Variants in SHISA9 observed in about 807,000 individuals in gnomAD.
SHISA9 encodes the protein protein shisa-9.
SHISA9 carries 13 observed loss-of-function variants against 38.0 expected under a neutral mutation model. The observed-to-expected ratio is 0.34, with a 90% confidence interval of 0.22 to 0.54. The LOEUF is 0.54. SHISA9 is among the 20% of genes least tolerant of loss of function. The pLI is 0.91. For missense variants in SHISA9, 538 were observed against 575.8 expected (o/e 0.93, Z 0.67); for synonymous variants, 275 against 242.0 (o/e 1.14, Z -1.27).
At chr16:12,910,311 A>T in intron 1 of SHISA9, 7 of 207,246 alleles carry the variant, frequency 3.4e-5, no homozygotes, top group Non-Finnish European at 5.9e-5. Context: ...AAATTCATTC[A>T]TTCATTCTTT....
At chr16:12,981,793 T>A (rs1166520364) in intron 2 of SHISA9, among the ~76,000 whole-genome samples, 2 of 152,096 alleles carry the variant, frequency 1.3e-5, no homozygotes, top group Non-Finnish European at 2.9e-5. Flanking sequence ...TCTAACCCCA[T>A]ATGACTGGTA....
the SHISA9 span, among the ~76,000 whole-genome samples, chr16:13,326,394 G>A: frequency 6.6e-6 from 1 of 152,216 alleles, no homozygotes. Flanking sequence ...GAAGGTCAGT[G>A]GTTTCCAGTC....
chr16:12,907,990 A>C (rs1402520396), intron 1 of SHISA9, among the ~76,000 whole-genome samples: 1 of 152,186 alleles, frequency 6.6e-6, no homozygotes, highest in Non-Finnish European at 1.5e-5. Context: ...AGATGGCCTG[A>C]GATTCAATCT....
chr16:13,228,184 A>C (rs2051297609), intron 4 of SHISA9, among the ~76,000 whole-genome samples: 1 of 152,178 alleles, frequency 6.6e-6, no homozygotes. Context: ...CAGAGCCTGC[A>C]GACTTTCTTT....
At chr16:13,075,422 C>G (rs1056242714) in intron 2 of SHISA9, among the ~76,000 whole-genome samples, 10 of 152,154 alleles carry the variant, frequency 6.6e-5, no homozygotes, top group African/African-American at 2.4e-4. Context: ...GTCATCATGC[C>G]TTGAACCCGT....
chr16:13,328,639 T>C, the SHISA9 span, among the ~76,000 whole-genome samples: 6 of 146,654 alleles, frequency 4.1e-5, no homozygotes, highest in African/African-American at 1.5e-4. Flanking sequence ...CACACACATA[T>C]ATATTGTATT....
the SHISA9 span, among the ~76,000 whole-genome samples, chr16:13,252,182 A>G: frequency 6.6e-6 from 1 of 151,674 alleles, no homozygotes; most frequent in African/African-American, 2.4e-5. Context: ...CTGTTGTACT[A>G]CTCACCCCTT....
intron 2 of SHISA9, among the ~76,000 whole-genome samples, chr16:13,126,631 T>TGGGGAGAGAGAGAG (rs2050259459): frequency 4.3e-5 from 2 of 46,566 alleles, no homozygotes; most frequent in Non-Finnish European, 8.9e-5. Context: ...GGCAGAGGGG[T>TGGGGAGAGAGAGAG]GGGGAGAGAG....
At position 12,902,675 on chromosome 16, in the gene SHISA9, C is replaced by G. The variant is rs372179610; in HGVS notation, c.563+48C>G. ...TCCCCTCGGGGCTTCGCTCTCCCTGCTCTCTCCTCCCCACCTTCCCCCAGG... is the reference window on the plus strand; with the variant it reads ...TCCCCTCGGGGCTTCGCTCTCCCTGGTCTCTCCTCCCCACCTTCCCCCAGG... On this transcript the variant is annotated intron_variant, in intron 1 of 4. Coordinates refer to ENST00000558583, the MANE Select transcript of SHISA9 (RefSeq NM_001145204.3). 115 of 1,472,358 alleles carry G rather than the reference C, an allele frequency of 7.8e-5. No individual in the cohort carries two copies. The African/African-American group carries it at 1.4e-3, about 18-fold the overall frequency. 91.2% of individuals were successfully genotyped at this position (1,472,358 alleles called of 1,614,324 possible).
intron 2 of SHISA9, among the ~76,000 whole-genome samples, chr16:12,974,034 A>G (rs937022090): frequency 6.6e-6 from 1 of 152,204 alleles, no homozygotes; most frequent in Non-Finnish European, 1.5e-5. Flanking sequence ...ACACAAGTCA[A>G]GGGTCTCCAG....
At chr16:12,975,041 T>A (rs999886251) in intron 2 of SHISA9, among the ~76,000 whole-genome samples, 6 of 152,186 alleles carry the variant, frequency 3.9e-5, no homozygotes, top group Admixed American at 6.5e-5. Flanking sequence ...TTAATCCATC[T>A]GACAAATATT....
the SHISA9 span, among the ~76,000 whole-genome samples, chr16:13,280,260 T>G: frequency 1.2e-4 from 18 of 151,500 alleles, no homozygotes; most frequent in African/African-American, 4.1e-4. Flanking sequence ...TGTTCTTTCA[T>G]CAGAAGACCA....
chr16:13,156,686 A>G (rs1388114760), intron 2 of SHISA9, among the ~76,000 whole-genome samples: 1 of 150,404 alleles, frequency 6.6e-6, no homozygotes, highest in African/African-American at 2.5e-5. Flanking sequence ...GTAAGCTGAG[A>G]TCGCGCCACT....
chr16:13,434,206 C>G, the SHISA9 span, among the ~76,000 whole-genome samples: 1 of 152,164 alleles, frequency 6.6e-6, no homozygotes, highest in Non-Finnish European at 1.5e-5. Flanking sequence ...TTTCCACATT[C>G]CTCTGCCTGC....
chr16:13,121,434 G>T (rs1481571701), intron 2 of SHISA9, among the ~76,000 whole-genome samples: 3 of 152,138 alleles, frequency 2.0e-5, no homozygotes, highest in Non-Finnish European at 4.4e-5. Context: ...TGAGACTAGA[G>T]TGAGGTATGA....
the SHISA9 span, among the ~76,000 whole-genome samples, chr16:13,552,152 C>A: frequency 1.3e-5 from 2 of 152,100 alleles, no homozygotes; most frequent in Non-Finnish European, 2.9e-5. Flanking sequence ...AAATAAGATG[C>A]AGGCTTCTCC....
the SHISA9 span, among the ~76,000 whole-genome samples, chr16:13,412,982 GGAATGAAT>G: frequency 1.6e-4 from 24 of 151,646 alleles, no homozygotes; most frequent in South Asian, 4.2e-4. Flanking sequence ...AATAAATAAA[GGAATGAAT>G]GAATGAATGA....
the SHISA9 span, among the ~76,000 whole-genome samples, chr16:13,279,835 T>C: frequency 6.6e-6 from 1 of 151,950 alleles, no homozygotes; most frequent in African/African-American, 2.4e-5. Flanking sequence ...TGAAGAATTA[T>C]CTGTTTTAGT....
At chr16:13,521,637 G>T in the SHISA9 span, among the ~76,000 whole-genome samples, 1 of 152,202 alleles carries the variant, frequency 6.6e-6, no homozygotes, top group Admixed American at 6.5e-5. Flanking sequence ...GTTTTTAAAA[G>T]TAGATAGCTT....
Sources: allele counts gnomAD v4.1 joint callset (sites outside exome capture counted in the v4.1 genomes callset), GRCh38; gene constraint gnomAD v4.1.1; transcripts MANE v1.5; gene names NCBI Gene and HGNC (gene_info 2026-07-23, HGNC 2026-07-21).